KAZN: variants seen among roughly 807,000 people sequenced by gnomAD.
KAZN encodes the protein kazrin.
KAZN carries 40 observed loss-of-function variants against 87.4 expected under a neutral mutation model. The ratio of observed to expected loss-of-function variants is 0.46; its 90% CI spans 0.36 to 0.60. The LOEUF (loss-of-function observed/expected upper bound fraction) is 0.60. Ranked by LOEUF, KAZN falls within the 20% of genes least tolerant of loss-of-function variation. The pLI is 0.00. For missense variants in KAZN, 898 were observed against 1,073.9 expected (o/e 0.84, Z 2.29); for synonymous variants, 466 against 458.3 (o/e 1.02, Z -0.22).
chr1:14,483,053 T>C (rs1669168684), intron 2 of KAZN, among the ~76,000 whole-genome samples: 1 of 152,236 alleles, frequency 6.6e-6, no homozygotes, highest in Non-Finnish European at 1.5e-5. Flanking sequence ...TAAGCTTTCC[T>C]TCCTGGCATG....
At chr1:14,689,752 G>T (rs1233260848) in intron 1 of KAZN, among the ~76,000 whole-genome samples, 1 of 152,222 alleles carries the variant, frequency 6.6e-6, no homozygotes, top group Non-Finnish European at 1.5e-5. Flanking sequence ...CCCCTCAGGG[G>T]CTGCTTAGAC....
chr1:14,031,312 C>A lies in KAZN; in HGVS notation c.91+137556C>A, dbSNP rs1050683774. Among the ~76,000 whole-genome samples, 5 of 152,264 alleles carry A rather than the reference C, an allele frequency of 3.3e-5. No individual in the cohort carries two copies. In the South Asian group the frequency reaches 1.0e-3, roughly 32 times the overall value. The stretch of plus-strand genomic sequence containing the variant: ...TGATTAGTAGTACAGGCAGGATTCC[C>A]AGAACAAATAATTTTTGTTTCCTTC... On this transcript the variant is annotated intron_variant, in intron 1 of 16. Coordinates refer to the KAZN transcript ENST00000636203.
At chr1:13,972,266 T>TTTTC (rs1642164064) in intron 1 of KAZN, among the ~76,000 whole-genome samples, 1 of 147,182 alleles carries the variant, frequency 6.8e-6, no homozygotes, top group African/African-American at 2.5e-5. Context: ...CTTTTTTTCT[T>TTTTC]TTTTCTTTTC....
At chr1:14,000,148 G>C (rs1418052892) in intron 1 of KAZN, among the ~76,000 whole-genome samples, 1 of 152,144 alleles carries the variant, frequency 6.6e-6, no homozygotes, top group East Asian at 1.9e-4. Flanking sequence ...CATTCCTTCT[G>C]AAACTATTCC....
intron 2 of KAZN, among the ~76,000 whole-genome samples, chr1:14,277,834 A>T (rs1317025009): frequency 6.6e-6 from 1 of 152,138 alleles, no homozygotes; most frequent in African/African-American, 2.4e-5. Context: ...ATTCTAATTT[A>T]AAATTTTTCA....
chr1:14,023,816 C>T (rs920653808), intron 1 of KAZN, among the ~76,000 whole-genome samples: 12 of 152,074 alleles, frequency 7.9e-5, no homozygotes, highest in East Asian at 5.8e-4. Context: ...GCACACACAG[C>T]GGACTCTCAA....
At chr1:14,665,334 A>G (rs561423544) in intron 1 of KAZN, among the ~76,000 whole-genome samples, 149 of 151,690 alleles carry the variant, frequency 9.8e-4, no homozygotes, top group African/African-American at 2.7e-3. Flanking sequence ...ATGTGTCATC[A>G]CTGTTTGCTG....
intron 1 of KAZN, among the ~76,000 whole-genome samples, chr1:14,632,360 G>T (rs1170744956): frequency 6.6e-6 from 1 of 152,168 alleles, no homozygotes; most frequent in African/African-American, 2.4e-5. Flanking sequence ...GTATAGAGAA[G>T]AATCCTTCTG....
intron 2 of KAZN, among the ~76,000 whole-genome samples, chr1:15,006,328 A>T (rs1490895127): frequency 6.6e-6 from 1 of 152,160 alleles, no homozygotes; most frequent in Non-Finnish European, 1.5e-5. Flanking sequence ...GCCCTCTCCT[A>T]CCTGCAGAGG....
chr1:14,904,347 G>T (rs1288125495), intron 1 of KAZN, among the ~76,000 whole-genome samples: 1 of 151,894 alleles, frequency 6.6e-6, no homozygotes, highest in Non-Finnish European at 1.5e-5. Context: ...ACTTTGCAGG[G>T]TTTGGATTGT....
chr1:13,949,022 G>A (rs1641248839), intron 1 of KAZN, among the ~76,000 whole-genome samples: 3 of 152,154 alleles, frequency 2.0e-5, no homozygotes. Context: ...TGTACTCTGT[G>A]TTCAATAAAT....
intron 2 of KAZN, among the ~76,000 whole-genome samples, chr1:14,417,127 G>A (rs1664854493): frequency 1.3e-5 from 2 of 151,312 alleles, no homozygotes; most frequent in African/African-American, 4.9e-5. Flanking sequence ...GGGAGGGAGA[G>A]GTTGCAGTGA....
At chr1:14,884,181 C>T (rs1039064085) in intron 1 of KAZN, among the ~76,000 whole-genome samples, 1 of 152,042 alleles carries the variant, frequency 6.6e-6, no homozygotes, top group African/African-American at 2.4e-5. Context: ...GTCACGAGGC[C>T]GGGTGATCGA....
At chr1:14,583,012 A>C (rs1675646929) in intron 2 of KAZN, among the ~76,000 whole-genome samples, 1 of 152,202 alleles carries the variant, frequency 6.6e-6, no homozygotes, top group South Asian at 2.1e-4. Flanking sequence ...AGAGGTGAAC[A>C]TTTACAAGCA....
chr1:14,982,508 C>A (rs1666360463), intron 2 of KAZN, among the ~76,000 whole-genome samples: 1 of 143,472 alleles, frequency 7.0e-6, no homozygotes, highest in Non-Finnish European at 1.5e-5. Flanking sequence ...CAGCTCACTG[C>A]AACCTCTGCC....
chr1:14,583,019 A>G (rs1429405509), intron 2 of KAZN, among the ~76,000 whole-genome samples: 4 of 152,230 alleles, frequency 2.6e-5, no homozygotes, highest in Non-Finnish European at 5.9e-5. Context: ...AACATTTACA[A>G]GCATTTGTTC....
chr1:14,756,863 G>GA (rs1326835765), intron 1 of KAZN, among the ~76,000 whole-genome samples: 2 of 151,994 alleles, frequency 1.3e-5, no homozygotes, highest in East Asian at 1.9e-4. Context: ...GGAAAGAGGA[G>GA]AAAAAAAAGC....
intron 1 of KAZN, among the ~76,000 whole-genome samples, chr1:14,175,994 G>T (rs1646066636): frequency 6.6e-6 from 1 of 152,084 alleles, no homozygotes; most frequent in East Asian, 1.9e-4. Context: ...AACATACAGG[G>T]GATATACACA....
chr1:14,081,843 T>G (rs539402376), intron 1 of KAZN, among the ~76,000 whole-genome samples: 1 of 152,286 alleles, frequency 6.6e-6, no homozygotes, highest in South Asian at 2.1e-4. Context: ...GCCTTAACCT[T>G]CCGGGCTAGA....
Sources: gnomAD v4.1 joint callset for allele counts (sites outside exome capture counted in the v4.1 genomes callset) on GRCh38, gnomAD v4.1.1 for gene constraint, MANE v1.5 for transcripts, NCBI Gene and HGNC (gene_info 2026-07-23, HGNC 2026-07-21) for gene names.